Variants in CPT1C observed in about 807,000 individuals in gnomAD.
CPT1C encodes palmitoyl thioesterase CPT1C.
In CPT1C, 61 loss-of-function variants were observed where a neutral mutation model predicts 97.3. That is an observed-to-expected ratio of 0.63 (90% CI 0.51 to 0.78). The LOEUF (loss-of-function observed/expected upper bound fraction) is 0.78, where lower values mean the gene tolerates loss of function less well. Ranked by LOEUF, CPT1C falls within the 30% of genes least tolerant of loss-of-function variation. The probability of loss-of-function intolerance (pLI) is 0.00; values close to 1 mark genes in which losing one functional copy is unlikely to be tolerated. For synonymous variants in CPT1C, 469 were observed against 447.2 expected (o/e 1.05, Z -0.61); for missense variants, 975 against 1,065.5 (o/e 0.92, Z 1.18).
chr19:49,710,979 C>T (rs1473087310), intron 16 of CPT1C, 122 bp downstream of exon 16: 11 of 1,026,620 alleles, frequency 1.1e-5, no homozygotes, highest in South Asian at 8.4e-5. Flanking sequence ...AGGGATGAAT[C>T]GGACCTGGCC....
intron 3 of CPT1C, among the ~76,000 whole-genome samples, chr19:49,696,838 G>A (rs1349229852): frequency 2.0e-5 from 3 of 151,716 alleles, no homozygotes; most frequent in Admixed American, 1.3e-4. Context: ...CACCATGTTG[G>A]CCAGGCCAGT....
chr19:49,708,743 C>A lies in CPT1C; in HGVS notation c.1470C>A (p.Cys490Ter). 3 of 1,613,928 alleles carry A rather than the reference C, an allele frequency of 1.9e-6. No homozygotes were observed. The highest frequency in any genetic ancestry group is 2.5e-6 in the Non-Finnish European group (3 of 1,179,870). Reference sequence around the variant, plus strand: ...CACAGTTCACTCTGGCTACAGAATGCTTTCAGCTGGGCTACTCAACAGACG... The same window carrying A: ...CACAGTTCACTCTGGCTACAGAATGATTTCAGCTGGGCTACTCAACAGACG... ...HMWEFTLATE[C>*]FQLGYSTDGH... The change falls in exon 14 of 20, where the codon TGC becomes TGA. Residue 490 changes from cysteine (C) to a stop codon, truncating the protein, a stop_gained. Coordinates refer to ENST00000598293, the MANE Select transcript of CPT1C (RefSeq NM_001199753.2). LOFTEE classifies it high-confidence loss of function.
chr19:49,710,199 C>T (rs1400909599), intron 14 of CPT1C, 121 bp from the exon 15 acceptor site: 2 of 936,944 alleles, frequency 2.1e-6, no homozygotes, highest in Non-Finnish European at 3.3e-6. Context: ...TCTTTGTCCC[C>T]ATTTCCATAT....
At chr19:49,701,994 TATAAATATATTAAA>T (rs1568520709) in intron 7 of CPT1C, among the ~76,000 whole-genome samples, 1 of 37,538 alleles carries the variant, frequency 2.7e-5, no homozygotes, top group African/African-American at 7.4e-5. Context: ...ATATAAATAT[TATAAATATATTAAA>T]TATATTTATT....
At chr19:49,702,049 A>ATTATAAATATATATTTATTTATAAT (rs2083160379) in intron 7 of CPT1C, among the ~76,000 whole-genome samples, 1 of 77,262 alleles carries the variant, frequency 1.3e-5, no homozygotes, top group Non-Finnish European at 2.0e-5. Context: ...TTATTTATAA[A>ATTATAAATATATATTTATTTATAAT]TTATAAATAT....
At chr19:49,694,138 C>T (rs1454680214) in intron 3 of CPT1C, among the ~76,000 whole-genome samples, 1 of 151,344 alleles carries the variant, frequency 6.6e-6, no homozygotes, top group African/African-American at 2.4e-5. Flanking sequence ...AAGACAGAAT[C>T]CTGCTTTTAT....
chr19:49,713,180 G>C, intron 19 of CPT1C, 116 bp downstream of exon 19: 3 of 944,508 alleles, frequency 3.2e-6, no homozygotes, highest in Non-Finnish European at 3.3e-6. Flanking sequence ...TCCTCCCTCA[G>C]ACCCAGGAGT....
intron 19 of CPT1C, 69 bp from the exon 20 acceptor site, chr19:49,713,351 C>T (rs2084045667): frequency 1.4e-6 from 2 of 1,412,314 alleles, no homozygotes; most frequent in Admixed American, 2.0e-5. Context: ...GGCCCTTAGC[C>T]CTCTTGTTTC....
chr19:49,705,335 A>C, intron 10 of CPT1C, 37 bp downstream of exon 10: 1 of 1,504,096 alleles, frequency 6.6e-7, no homozygotes, highest in Non-Finnish European at 9.1e-7. Flanking sequence ...TGGAGGCAGA[A>C]CAATATAGTG....
In CPT1C at chr19:49,705,084, C is replaced by T. The variant is rs779932649; in HGVS notation, c.849C>T (p.Arg283=). 1.1e-5 allele frequency: 18 copies of T among 1,613,874 alleles called. No individual in the cohort carries two copies. Among genetic ancestry groups the T allele is most frequent in the Non-Finnish European group, 1.4e-5 (17 of 1,179,988 alleles). ...CCGTCCATGCCCTCCTCCTGTACCG[C>T]CACCGCCTGAACCGCCAGGAGATAC... The part of the protein sequence containing the change: ...GNAVHALLLY[R]HRLNRQEIPP... The change falls in exon 9 of 20, where the codon CGC becomes CGT. Residue 283 remains arginine (R), a synonymous_variant. Transcript: ENST00000598293.
At chr19:49,697,114 C>T (rs186756843) in intron 3 of CPT1C, among the ~76,000 whole-genome samples, 1 of 152,284 alleles carries the variant, frequency 6.6e-6, no homozygotes, top group South Asian at 2.1e-4. Flanking sequence ...GCACAGGGCT[C>T]CTCCTATTTC....
rs149943122 is a variant in CPT1C, at chr19:49,710,461, G to A, written c.1708G>A (p.Ala570Thr). The A allele has an allele frequency of 3.2e-4, 514 of 1,613,984 alleles. No homozygotes were observed. Among genetic ancestry groups the A allele is most frequent in the Non-Finnish European group, 4.0e-4 (475 of 1,180,030 alleles). The change falls in exon 15 of 20, where the codon GCC (alanine) becomes ACC (threonine). Residue 570 changes from alanine (A) to threonine (T), a missense_variant. Physicochemically the swap from Ala to Thr is moderately conservative, Grantham distance 58. This residue lies in a region of CPT1C where 344 missense variants were observed against 395.7 expected (regional missense o/e 0.87). Coordinates refer to ENST00000598293, the MANE Select transcript of CPT1C (RefSeq NM_001199753.2). ...CTCTTCAGACAGCTTCATCCAGATC[G>A]CCTTGCAACTGGCCCACTTCCGGGT... ...HLSSDSFIQI[A>T]LQLAHFRDRG...
chr19:49,705,825 C>T, intron 10 of CPT1C, 84 bp from the exon 11 acceptor site: 6 of 1,256,578 alleles, frequency 4.8e-6, no homozygotes, highest in Non-Finnish European at 6.7e-6. Flanking sequence ...CAACTGACGA[C>T]ACCTAAGAAG....
At chr19:49,708,339 C>CA (rs888257344) in intron 13 of CPT1C, among the ~76,000 whole-genome samples, 13 of 150,400 alleles carry the variant, frequency 8.6e-5, no homozygotes, top group South Asian at 2.1e-4. Flanking sequence ...TAAAAAAAAA[C>CA]AAAAAAAACA....
intron 17 of CPT1C, 127 bp from the exon 18 acceptor site, chr19:49,712,609 G>T: frequency 2.9e-6 from 2 of 689,344 alleles, no homozygotes; most frequent in Non-Finnish European, 5.2e-6. Context: ...GGAGAAGGGC[G>T]TGGTTAGGGA....
chr19:49,710,765 C>A lies in CPT1C; in HGVS notation c.1774C>A (p.Arg592Ser), dbSNP rs751176333. Residue 592 changes from arginine (R) to serine (S), a missense_variant, in exon 16 of 20, where the codon CGC becomes AGC. Coordinates refer to ENST00000598293, the MANE Select transcript of CPT1C (RefSeq NM_001199753.2). ...FCLTYESAMT[R>S]LFLEGRTETV... ...CCTGACTTATGAGTCGGCCATGACTCGCTTATTCCTGGAAGGCCGGACGGA... is the reference window on the plus strand; with the variant it reads ...CCTGACTTATGAGTCGGCCATGACTAGCTTATTCCTGGAAGGCCGGACGGA... 6.2e-7 allele frequency: 1 copy of A among 1,613,992 alleles called. No homozygotes were observed. Among genetic ancestry groups the A allele is most frequent in the Non-Finnish European group, 8.5e-7 (1 of 1,179,942 alleles).
chr19:49,706,530 A>G lies in CPT1C; in HGVS notation c.1343+117A>G. 1.1e-6 allele frequency: 1 copy of G among 912,204 alleles called. No homozygotes were observed. The highest frequency in any genetic ancestry group is 1.5e-6 in the Non-Finnish European group (1 of 671,802). The allele number at this position is 912,204 out of a possible 1,614,324, so 56.5% of individuals were successfully genotyped here. ...GAGCCCACACCTGCAGAGTCTGTAG[A>G]CCAGGGGCTGCATAGAGCTGAGGAC... On this transcript the variant is annotated intron_variant, in intron 12 of 19. Coordinates refer to ENST00000598293, the MANE Select transcript of CPT1C (RefSeq NM_001199753.2). This position sits in a 1 kb window ranked among gnomAD's most constrained non-coding sequence, Gnocchi z 4.8.
chr19:49,711,611 G>T (rs12462023), intron 16 of CPT1C, 198 bp from the exon 17 acceptor site: 1 of 610,990 alleles, frequency 1.6e-6, no homozygotes, highest in Non-Finnish European at 2.8e-6. Context: ...CTAGGAACCC[G>T]CCTGGCTCTC....
chr19:49,705,972 G>T lies in CPT1C; in HGVS notation c.1028G>T (p.Arg343Leu). ...VAVFHRGRFF[R>L]MGTHSRNSLL... ...GTCTTCCACCGGGGCCGATTCTTCC[G>T]CATGGGGACCCACTCCCGAAACAGC... The change falls in exon 11 of 20, where the codon CGC (arginine) becomes CTC (leucine). Residue 343 changes from arginine (R) to leucine (L), a missense_variant. By Grantham distance (102) the Arg-to-Leu change is moderately radical. This residue lies in a region of CPT1C where 596 missense variants were observed against 603.1 expected (regional missense o/e 0.99). Coordinates refer to ENST00000598293, the MANE Select transcript of CPT1C (RefSeq NM_001199753.2). The T allele has an allele frequency of 6.2e-7, 1 of 1,613,892 alleles. No individual in the cohort carries two copies. The highest frequency in any genetic ancestry group is 8.5e-7 in the Non-Finnish European group (1 of 1,179,958).
Sources: gnomAD v4.1 joint callset for allele counts (sites outside exome capture counted in the v4.1 genomes callset) on GRCh38, gnomAD v4.1.1 for gene constraint, gnomAD v4.1.1 regional missense constraint, Gnocchi (gnomAD v3.1) non-coding constraint, MANE v1.5 for transcripts, NCBI Gene and HGNC (gene_info 2026-07-23, HGNC 2026-07-21) for gene names.